The following QRICH1 variants were observed in gnomAD, a reference collection of about 807,000 sequenced individuals.
QRICH1 encodes the protein transcriptional regulator QRICH1.
QRICH1 carries 16 observed loss-of-function variants against 87.1 expected under a neutral mutation model. The observed-to-expected ratio is 0.18, with a 90% CI of 0.12 to 0.28. The LOEUF is 0.28. Ranked by LOEUF, QRICH1 falls within the 10% of genes least tolerant of loss-of-function variation. The pLI, the probability that QRICH1 is intolerant of heterozygous loss-of-function variation, is 1.00. For synonymous variants in QRICH1, 367 were observed against 368.4 expected (o/e 1.00, Z 0.05); for missense variants, 647 against 951.7 (o/e 0.68, Z 4.21).
intron 1 of QRICH1, among the ~76,000 whole-genome samples, chr3:49,080,180 G>A (rs1316543334): frequency 1.3e-5 from 2 of 152,090 alleles, no homozygotes; most frequent in Admixed American, 1.3e-4. Flanking sequence ...CTACCATGCT[G>A]GTACATAATT....
At position 49,065,835 on chromosome 3, in the gene QRICH1, C is replaced by G. The variant is rs180807904; in HGVS notation, c.310-7945G>C. Among the ~76,000 whole-genome samples the G allele has an allele frequency of 2.8e-3, 431 of 152,230 alleles. 3 individuals carry two copies. Among genetic ancestry groups the G allele is most frequent in the African/African-American group, 9.7e-3 (401 of 41,550 alleles). ...AGCTGGGACTACAGGCACCCGCCACCACGCCCGCTAATTTTTGTTTTGTAT... is the reference window on the plus strand; with the variant it reads ...AGCTGGGACTACAGGCACCCGCCACGACGCCCGCTAATTTTTGTTTTGTAT... On this transcript the variant is annotated intron_variant, in intron 2 of 9. Transcript: ENST00000395443.
In QRICH1 at chr3:49,068,179, C is replaced by T. The variant is rs571810145; in HGVS notation, c.309+8530G>A. On this transcript the variant is annotated intron_variant, in intron 2 of 9. Coordinates refer to ENST00000395443, the MANE Select transcript of QRICH1 (RefSeq NM_198880.3). ...GAGGCCAGCCTAGGCAACATAGCAA[C>T]ACCCCTCTCTCCACAAAAAGTAAAA... is the stretch of plus-strand genomic sequence containing the variant. Among the ~76,000 whole-genome samples, 13 of 152,082 alleles carry T rather than the reference C, an allele frequency of 8.5e-5. 2 individuals carry two copies. Among genetic ancestry groups the T allele is most frequent in the African/African-American group, 2.7e-4 (11 of 41,506 alleles).
intron 3 of QRICH1, among the ~76,000 whole-genome samples, chr3:49,049,145 C>T (rs1559932557): frequency 1.3e-5 from 2 of 151,970 alleles, no homozygotes; most frequent in Non-Finnish European, 2.9e-5. Context: ...CTCGACTGAT[C>T]TGCCCGCCTT....
chr3:49,036,562 C>G (rs564600771), intron 6 of QRICH1, among the ~76,000 whole-genome samples: 1 of 152,154 alleles, frequency 6.6e-6, no homozygotes, highest in East Asian at 1.9e-4. Flanking sequence ...AGCTGAATCT[C>G]ATTAAATACG....
intron 2 of QRICH1, among the ~76,000 whole-genome samples, chr3:49,065,825 C>T (rs1022001337): frequency 2.0e-5 from 3 of 152,056 alleles, no homozygotes; most frequent in Non-Finnish European, 4.4e-5. Context: ...GGACTACAGG[C>T]ACCCGCCACC....
intron 1 of QRICH1, among the ~76,000 whole-genome samples, chr3:49,085,140 C>G (rs928166928): frequency 6.7e-6 from 1 of 150,124 alleles, no homozygotes; most frequent in Non-Finnish European, 1.5e-5. Flanking sequence ...AAGACTCCGT[C>G]TCAAAAAAAA....
At chr3:49,088,530 T>G (rs1456886632) in intron 1 of QRICH1, among the ~76,000 whole-genome samples, 3 of 149,424 alleles carry the variant, frequency 2.0e-5, no homozygotes, top group Non-Finnish European at 3.0e-5. Context: ...ACTCCTGACC[T>G]CAGGTGAGGA....
At chr3:49,065,647 C>T (rs1374220339) in intron 2 of QRICH1, among the ~76,000 whole-genome samples, 1 of 151,794 alleles carries the variant, frequency 6.6e-6, no homozygotes, top group African/African-American at 2.4e-5. Flanking sequence ...CCTTGAGGAA[C>T]CCTAAAAGGT....
intron 9 of QRICH1, among the ~76,000 whole-genome samples, chr3:49,030,921 AT>A (rs1244007714): frequency 1.3e-5 from 2 of 151,122 alleles, no homozygotes; most frequent in Non-Finnish European, 2.9e-5. Context: ...TCATGGACTC[AT>A]GTGAGTCTAT....
intron 2 of QRICH1, among the ~76,000 whole-genome samples, chr3:49,059,082 CT>C (rs2093419814): frequency 6.6e-6 from 1 of 151,810 alleles, no homozygotes; most frequent in African/African-American, 2.4e-5. Flanking sequence ...CTGCCTCAGC[CT>C]CCCGGGTAGC....
chr3:49,061,079 G>C (rs1204610568), intron 2 of QRICH1, among the ~76,000 whole-genome samples: 2 of 135,418 alleles, frequency 1.5e-5, no homozygotes, highest in Non-Finnish European at 3.1e-5. Context: ...AAGTTGAAGT[G>C]AGCAGAGAGA....
intron 6 of QRICH1, among the ~76,000 whole-genome samples, chr3:49,037,983 T>C (rs1348256715): frequency 6.6e-6 from 1 of 151,892 alleles, no homozygotes; most frequent in Non-Finnish European, 1.5e-5. Context: ...CCAATTTCAA[T>C]ATGTAGACTT....
rs2093224911 is a variant in QRICH1, at chr3:49,030,058, G to C, written c.*394C>G. On this transcript the variant is annotated 3_prime_UTR_variant, in exon 10 of 10. Transcript: ENST00000395443. ...CGTTCCCCTGTGGTCAGCAAAGTCT[G>C]TCAGCCCAGTGGAAGTCGGCTGGGG... 3.2e-6 allele frequency: 1 copy of C among 309,856 alleles called. No individual in the cohort carries two copies. Among genetic ancestry groups the C allele is most frequent in the Non-Finnish European group, 5.9e-6 (1 of 169,858 alleles). The allele number at this position is 309,856 out of a possible 1,614,324, so 19.2% of individuals were successfully genotyped here. A position where few individuals can be genotyped will look rare whatever the true frequency, so the allele number is the denominator to read the frequency against.
chr3:49,047,164 T>C lies in QRICH1; in HGVS notation c.1421A>G (p.Lys474Arg), dbSNP rs772627837. Reference protein sequence around the residue: ...SPELLLPNSLKPEEGLEVWKN... With the variant: ...SPELLLPNSLRPEEGLEVWKN... ...CCATACTTCAAGCCCTTCTTCTGGCTTCAAAGAATTTGGAAGCAGAAGTTC... is the reference window on the plus strand; with the variant it reads ...CCATACTTCAAGCCCTTCTTCTGGCCTCAAAGAATTTGGAAGCAGAAGTTC... Residue 474 changes from lysine (K) to arginine (R), a missense_variant, in exon 4 of 10, where the codon AAG (lysine) becomes AGG (arginine). Lys to Arg is a conservative substitution (Grantham distance 26). Around this residue, in one of 7 missense-constraint regions of QRICH1, gnomAD observed 187 missense variants for 309.5 expected, o/e 0.60. Coordinates refer to ENST00000395443, the MANE Select transcript of QRICH1 (RefSeq NM_198880.3). 5.0e-6 allele frequency: 8 copies of C among 1,614,074 alleles called. No homozygotes were observed. Among genetic ancestry groups the C allele is most frequent in the Non-Finnish European group, 6.8e-6 (8 of 1,180,054 alleles).
At chr3:49,075,575 G>A (rs1482819691) in intron 2 of QRICH1, among the ~76,000 whole-genome samples, 1 of 152,128 alleles carries the variant, frequency 6.6e-6, no homozygotes, top group African/African-American at 2.4e-5. Context: ...AGGTTGCAGT[G>A]AGCCGAGATG....
chr3:49,070,162 G>C (rs972220386), intron 2 of QRICH1, among the ~76,000 whole-genome samples: 6 of 151,704 alleles, frequency 4.0e-5, no homozygotes, highest in South Asian at 2.1e-4. Context: ...CTTAGCCTCC[G>C]AATAGCTGGG....
intron 2 of QRICH1, among the ~76,000 whole-genome samples, chr3:49,062,228 G>A (rs138025451): frequency 3.9e-5 from 6 of 151,906 alleles, no homozygotes; most frequent in Non-Finnish European, 5.9e-5. Flanking sequence ...CCAGCTACTC[G>A]GAAGGCTGAC....
chr3:49,087,818 CAAAAAAAA>C lies in QRICH1; in HGVS notation c.-22+6086_-22+6093del, dbSNP rs58022360. ...GAACTCAGGAGGCGGAGGTTCATCT[CAAAAAAAA>C]AAAAAAAAAAAAAGAACAATGTCTT... On this transcript the variant is annotated intron_variant, in intron 1 of 9. Transcript: ENST00000395443. 1.7e-4 allele frequency among the ~76,000 whole-genome samples: 8 copies of C among 47,684 alleles called. 1 individual carries two copies. The highest frequency in any genetic ancestry group is 1.9e-3 in the South Asian group (1 of 536). The allele number at this position is 47,684 out of a possible 152,430, so 31.3% of individuals were successfully genotyped here. A position where few individuals can be genotyped will look rare whatever the true frequency, so the allele number is the denominator to read the frequency against.
intron 2 of QRICH1, among the ~76,000 whole-genome samples, chr3:49,066,465 C>CA (rs2093468938): frequency 7.0e-6 from 1 of 143,334 alleles, no homozygotes; most frequent in Non-Finnish European, 1.5e-5. Context: ...CTTTACTTTT[C>CA]TTTTTTTTTT....
Sources: gnomAD v4.1 joint callset for allele counts (sites outside exome capture counted in the v4.1 genomes callset) on GRCh38, gnomAD v4.1.1 for gene constraint, gnomAD v4.1.1 regional missense constraint, MANE v1.5 for transcripts, NCBI Gene and HGNC (gene_info 2026-07-23, HGNC 2026-07-21) for gene names.